ACOXL: variants seen among roughly 807,000 people sequenced by gnomAD.
ACOXL encodes acyl-coenzyme A oxidase-like protein.
Under a neutral mutation model 71.9 loss-of-function variants are expected in ACOXL, and 70 were observed. That is an observed-to-expected ratio of 0.97 (90% CI 0.80 to 1.19). ACOXL has a LOEUF of 1.19. Among genes scored for constraint, ACOXL ranks in the 50% most tolerant of loss-of-function variants. The pLI, the probability that ACOXL is intolerant of heterozygous loss-of-function variation, is 0.00. For synonymous variants in ACOXL, 253 were observed against 281.6 expected (o/e 0.90, Z 1.02); for missense variants, 703 against 736.3 (o/e 0.95, Z 0.52).
At chr2:111,017,078 A>G (rs1264046423) in intron 14 of ACOXL, among the ~76,000 whole-genome samples, 6 of 152,186 alleles carry the variant, frequency 3.9e-5, no homozygotes, top group Non-Finnish European at 7.4e-5. Flanking sequence ...CCCTACACCA[A>G]TTGCTAGTGA....
chr2:110,917,529 A>G (rs905914748), intron 11 of ACOXL, among the ~76,000 whole-genome samples: 6 of 152,254 alleles, frequency 3.9e-5, no homozygotes, highest in Admixed American at 3.9e-4. Context: ...CTCCTATTCA[A>G]CATAGTATTG....
At chr2:110,864,823 A>G (rs989985125) in intron 10 of ACOXL, among the ~76,000 whole-genome samples, 9 of 152,172 alleles carry the variant, frequency 5.9e-5, no homozygotes, top group Non-Finnish European at 8.8e-5. Flanking sequence ...TCTGAGGTAT[A>G]TGGGCTGCTG....
chr2:110,905,558 C>A (rs2149222218), intron 10 of ACOXL, among the ~76,000 whole-genome samples: 1 of 151,966 alleles, frequency 6.6e-6, no homozygotes, highest in Non-Finnish European at 1.5e-5. Flanking sequence ...ATCACAGTTA[C>A]AGAACATAAT....
intron 16 of ACOXL, among the ~76,000 whole-genome samples, chr2:111,057,632 A>G (rs1051425932): frequency 2.6e-5 from 4 of 152,164 alleles, no homozygotes; most frequent in African/African-American, 9.7e-5. Context: ...TCTTGCCACA[A>G]ACAGATCTGC....
At position 110,852,061 on chromosome 2, in the gene ACOXL, A is replaced by G. The variant is rs115369050; in HGVS notation, c.788+10656A>G. The stretch of plus-strand genomic sequence containing the variant: ...CCTTCTGCCAGGGCCAGGGGAGGCC[A>G]GCTCTGTCAGTGGGAGACCCCTATG... On this transcript the variant is annotated intron_variant, in intron 10 of 17. Transcript: ENST00000439055. 6.2e-3 allele frequency among the ~76,000 whole-genome samples: 942 copies of G among 152,314 alleles called. 10 individuals are homozygous for G. Among genetic ancestry groups the G allele is most frequent in the African/African-American group, 0.02 (830 of 41,572 alleles).
intron 11 of ACOXL, among the ~76,000 whole-genome samples, chr2:110,931,652 T>C (rs1012809068): frequency 3.9e-5 from 6 of 152,184 alleles, no homozygotes; most frequent in African/African-American, 1.4e-4. Flanking sequence ...GAGCCTCAGT[T>C]TTCCCAACAA....
chr2:110,986,983 G>A, intron 12 of ACOXL, 125 bp from the exon 13 acceptor site: 2 of 755,370 alleles, frequency 2.6e-6, no homozygotes, highest in South Asian at 1.8e-5. Flanking sequence ...TAAGAATGAG[G>A]TCTTGTATTT....
chr2:110,758,911 T>G (rs1469149334), intron 1 of ACOXL, among the ~76,000 whole-genome samples: 1 of 152,248 alleles, frequency 6.6e-6, no homozygotes, highest in African/African-American at 2.4e-5. Flanking sequence ...ACTTCTTGAT[T>G]TCTGCCTTAA....
intron 1 of ACOXL, among the ~76,000 whole-genome samples, chr2:110,756,889 A>AT (rs1266707987): frequency 1.3e-5 from 2 of 151,500 alleles, no homozygotes; most frequent in Non-Finnish European, 2.9e-5. Context: ...TGCCCCTTTT[A>AT]TTTTTTCTTC....
At chr2:110,909,894 A>G (rs1249331491) in intron 11 of ACOXL, among the ~76,000 whole-genome samples, 1 of 151,890 alleles carries the variant, frequency 6.6e-6, no homozygotes, top group African/African-American at 2.4e-5. Flanking sequence ...GCTGCAGGTA[A>G]CAACAGTAAG....
intron 12 of ACOXL, among the ~76,000 whole-genome samples, chr2:110,945,165 A>G (rs999252045): frequency 2.6e-5 from 4 of 152,284 alleles, no homozygotes; most frequent in Middle Eastern, 3.4e-3. Context: ...GTGTCTGTTC[A>G]TGTCCTTTGC....
intron 9 of ACOXL, among the ~76,000 whole-genome samples, chr2:110,807,016 A>T (rs1245091261): frequency 6.6e-6 from 1 of 152,140 alleles, no homozygotes; most frequent in East Asian, 1.9e-4. Flanking sequence ...GATTCCTAAA[A>T]GGTTCCTGTT....
intron 12 of ACOXL, among the ~76,000 whole-genome samples, chr2:110,963,418 T>C (rs949290426): frequency 3.3e-5 from 5 of 152,222 alleles, no homozygotes; most frequent in African/African-American, 1.2e-4. Flanking sequence ...ATTCGTGAAC[T>C]AAAAGCTAAT....
chr2:111,069,148 T>C (rs1041821068), intron 16 of ACOXL, among the ~76,000 whole-genome samples: 4 of 150,312 alleles, frequency 2.7e-5, no homozygotes, highest in Admixed American at 6.6e-5. Context: ...TCTTTTTCTT[T>C]TTTTTTTTTT....
intron 12 of ACOXL, among the ~76,000 whole-genome samples, chr2:110,949,926 A>G (rs776001516): frequency 2.0e-5 from 3 of 152,178 alleles, no homozygotes; most frequent in Non-Finnish European, 2.9e-5. Context: ...GGCAGGTGAT[A>G]ACTTTCTTCC....
chr2:110,963,819 C>A, intron 12 of ACOXL: 1 of 1,463,884 alleles, frequency 6.8e-7, no homozygotes, highest in South Asian at 1.3e-5. Context: ...CAGGTGCTTT[C>A]CTGTTAGGCA....
At chr2:111,042,951 A>G (rs368842187) in intron 15 of ACOXL, among the ~76,000 whole-genome samples, 5 of 152,322 alleles carry the variant, frequency 3.3e-5, no homozygotes, top group African/African-American at 1.2e-4. Flanking sequence ...TTGGAGGAGC[A>G]GTGGCCCATT....
At chr2:111,044,879 G>T (rs915434650) in intron 15 of ACOXL, among the ~76,000 whole-genome samples, 1 of 152,104 alleles carries the variant, frequency 6.6e-6, no homozygotes, top group Non-Finnish European at 1.5e-5. Context: ...TCTCCCAAAT[G>T]ACCATTGTTT....
At chr2:110,896,349 T>A (rs1196504560) in intron 10 of ACOXL, among the ~76,000 whole-genome samples, 1 of 152,028 alleles carries the variant, frequency 6.6e-6, no homozygotes, top group Non-Finnish European at 1.5e-5. Context: ...GAGAAAACAT[T>A]TTAAAAAGTC....
Sources: gnomAD v4.1 joint callset for allele counts (sites outside exome capture counted in the v4.1 genomes callset) on GRCh38, gnomAD v4.1.1 for gene constraint, MANE v1.5 for transcripts, NCBI Gene and HGNC (gene_info 2026-07-23, HGNC 2026-07-21) for gene names.